The following PIEZO1 variants were observed in gnomAD, a reference collection of about 807,000 sequenced individuals.
PIEZO1 encodes piezo-type mechanosensitive ion channel component 1.
PIEZO1 carries 296 observed loss-of-function variants against 297.2 expected under a neutral mutation model. The observed-to-expected ratio is 1.00, with a 90% confidence interval of 0.91 to 1.10. The LOEUF (loss-of-function observed/expected upper bound fraction) is 1.10. Ranked by LOEUF, PIEZO1 falls within the 50% of genes least tolerant of loss-of-function variation. The probability of loss-of-function intolerance (pLI) is 0.00; values close to 1 mark genes in which losing one functional copy is unlikely to be tolerated. For synonymous variants in PIEZO1, 2,427 were observed against 1,507.5 expected, an observed-to-expected ratio of 1.61 and a Z score of -14.13; for missense variants, 5,018 against 3,455.5, an observed-to-expected ratio of 1.45 and a Z score of -11.34.
chr16:88,737,941 G>T lies in PIEZO1; in HGVS notation c.1013C>A (p.Ser338Tyr), dbSNP rs112081600. ...TGGGTGGCAGGTGCTCACCTGGCCG[G>T]AGGGGCGGTACGCGCGGAGCTTGCG... ...SLRKLRAYRP[S>Y]GQRKEAAKGY... Residue 338 changes from serine (S) to tyrosine (Y), a missense_variant, in exon 8 of 51, where the codon TCC becomes TAC. Coordinates refer to ENST00000301015, the MANE Select transcript of PIEZO1 (RefSeq NM_001142864.4). 0.032 allele frequency: 49,025 copies of T among 1,530,202 alleles called. 1,135 individuals carry two copies. Among genetic ancestry groups the T allele is most frequent in the South Asian group, 0.074 (6,172 of 83,632 alleles). 94.8% of individuals were successfully genotyped at this position (1,530,202 alleles called of 1,614,324 possible).
chr16:88,784,039 G>A (rs1185300574), intron 1 of PIEZO1, among the ~76,000 whole-genome samples: 1 of 152,208 alleles, frequency 6.6e-6, no homozygotes, highest in Non-Finnish European at 1.5e-5. Context: ...CCGGGCGGAG[G>A]GCGCGGACCC....
chr16:88,733,022 G>C, intron 19 of PIEZO1: 1 of 581,200 alleles, frequency 1.7e-6, no homozygotes, highest in Non-Finnish European at 3.1e-6. Context: ...CAGGGGTGGG[G>C]CCCTCCCGTC....
In PIEZO1 at chr16:88,722,572, C is replaced by G. The variant is rs190932489; in HGVS notation, c.4775+11G>C. 1 of 1,518,542 alleles carries G rather than the reference C, an allele frequency of 6.6e-7. No individual in the cohort carries two copies. The highest frequency in any genetic ancestry group is 8.8e-7 in the Non-Finnish European group (1 of 1,132,370). The allele number at this position is 1,518,542 out of a possible 1,614,324, so 94.1% of individuals were successfully genotyped here. Reference sequence around the variant, plus strand: ...GGCAGCAGCTGGGGCTCGGGTCACCCCCGCACCTACCTGGACACGGTGCTT... The same window carrying G: ...GGCAGCAGCTGGGGCTCGGGTCACCGCCGCACCTACCTGGACACGGTGCTT... On this transcript the variant is annotated intron_variant, in intron 35 of 50. Coordinates refer to ENST00000301015, the MANE Select transcript of PIEZO1 (RefSeq NM_001142864.4).
At position 88,721,888 on chromosome 16, in the gene PIEZO1, C is replaced by A. The variant is rs760732001; in HGVS notation, c.5134G>T (p.Val1712Leu). The change falls in exon 37 of 51, where the codon GTG becomes TTG. Residue 1712 changes from valine to leucine, a missense_variant. Physicochemically the swap from Val to Leu is conservative, Grantham distance 32. Coordinates refer to ENST00000301015, the MANE Select transcript of PIEZO1 (RefSeq NM_001142864.4). The part of the protein sequence containing the change: ...TASAGSLVLP[V>L]LVFLWAMLSI... ...AGCATGGCCCACAGGAAGACGAGCA[C>A]GGGCAGCACCAGCGAGCCGGCGGAG... 4 of 1,550,052 alleles carry A rather than the reference C, an allele frequency of 2.6e-6. No homozygotes were observed. The highest frequency in any genetic ancestry group is 2.6e-6 in the Non-Finnish European group (3 of 1,146,780).
intron 1 of PIEZO1, among the ~76,000 whole-genome samples, chr16:88,753,322 C>CA (rs1567685381): frequency 7.8e-6 from 1 of 127,984 alleles, no homozygotes; most frequent in Non-Finnish European, 1.7e-5. Flanking sequence ...CTCCCGCCCC[C>CA]GGAGCACACC....
chr16:88,785,126 T>C lies in PIEZO1; in HGVS notation c.-162A>G. ...TTCGGCCGCCCCGCCGGTGCCGACG[T>C]CCCGGGCCCGCGCTCGCTCAGGCGA... On this transcript the variant is annotated 5_prime_UTR_variant, in exon 1 of 51. Transcript: ENST00000301015. 1 of 361,496 alleles carries C rather than the reference T, an allele frequency of 2.8e-6. No individual in the cohort carries two copies. The highest frequency in any genetic ancestry group is 4.5e-6 in the Non-Finnish European group (1 of 221,872). The allele number at this position is 361,496 out of a possible 1,614,324, so 22.4% of individuals were successfully genotyped here.
intron 38 of PIEZO1, 51 bp from the exon 39 acceptor site, chr16:88,721,481 C>A: frequency 6.5e-7 from 1 of 1,538,386 alleles, no homozygotes. Context: ...TGGTGGAGAG[C>A]ACAGGTGCCC....
At position 88,733,575 on chromosome 16, in the gene PIEZO1, C is replaced by T; in HGVS notation, c.2487+13G>A. Reference sequence around the variant, plus strand: ...CACCCCAGATGGGAAGCTGAGTTGCCTGCCACACTCACCTCCTTCAGGGCC... The same window carrying T: ...CACCCCAGATGGGAAGCTGAGTTGCTTGCCACACTCACCTCCTTCAGGGCC... On this transcript the variant is annotated intron_variant, in intron 18 of 50. Transcript: ENST00000301015. 1 of 1,534,456 alleles carries T rather than the reference C, an allele frequency of 6.5e-7. No homozygotes were observed. Among genetic ancestry groups the T allele is most frequent in the South Asian group, 1.2e-5 (1 of 82,902 alleles).
intron 5 of PIEZO1, chr16:88,739,773 T>A (rs1484646005): frequency 6.6e-6 from 1 of 152,236 alleles, no homozygotes; most frequent in African/African-American, 2.4e-5. Context: ...AGCCCACCCC[T>A]CTCAGAGACC....
chr16:88,753,090 AGAGCACACCCACCG>A (rs1906474606), intron 1 of PIEZO1, among the ~76,000 whole-genome samples: 1 of 28,708 alleles, frequency 3.5e-5, no homozygotes, highest in Non-Finnish European at 7.9e-5. Context: ...CACCGCCCCC[AGAGCACACCCACCG>A]CCCCCCAGAG....
At position 88,725,595 on chromosome 16, in the gene PIEZO1, T is replaced by C. The variant is rs1345073048; in HGVS notation, c.4058A>G (p.Gln1353Arg). 2 of 1,545,978 alleles carry C rather than the reference T, an allele frequency of 1.3e-6. No homozygotes were observed. The highest frequency in any genetic ancestry group is 1.2e-5 in the South Asian group (1 of 83,960). ...GAGTCCCCGCCCCAGAGGCACCTAC[T>C]GTCTTTTCAGCTGGGCCAGGGACTT... ...EEKSLAQLKR[Q>R]MERIRAKQEK... The change falls in exon 28 of 51, where the codon CAG becomes CGG. Residue 1353 changes from glutamine (Q) to arginine (R), a missense_variant and splice_region_variant. Physicochemically the swap from Gln to Arg is conservative, Grantham distance 43. Transcript: ENST00000301015.
chr16:88,736,803 G>T, intron 10 of PIEZO1, 64 bp from the exon 11 acceptor site: 1 of 1,073,730 alleles, frequency 9.3e-7, no homozygotes, highest in African/African-American at 1.6e-5. Context: ...CCCTGACTAT[G>T]CCCTAAAATC....
At chr16:88,731,569 G>A in intron 22 of PIEZO1, 137 bp downstream of exon 22, 2 of 653,684 alleles carry the variant, frequency 3.1e-6, no homozygotes, top group Non-Finnish European at 5.3e-6. Context: ...GTAGGATGTG[G>A]AGCAGAGAGG....
intron 19 of PIEZO1, 61 bp downstream of exon 19, chr16:88,733,217 C>G (rs534608064): frequency 1.3e-5 from 19 of 1,435,546 alleles, no homozygotes; most frequent in Non-Finnish European, 9.5e-6. Context: ...CCAGGAGGGT[C>G]GGGCTGCGAA....
chr16:88,724,259 G>A (rs576401350), intron 30 of PIEZO1, among the ~76,000 whole-genome samples: 13 of 152,356 alleles, frequency 8.5e-5, no homozygotes, highest in African/African-American at 2.2e-4. Flanking sequence ...GGCCGGGCAC[G>A]GTGGCTGACG....
rs576828125 is a variant in PIEZO1 at position 88,737,314 on chromosome 16, A to C, written c.1195+245T>G. ...GGAGGCCCCCCATGGGGTCTTGGGG[A>C]TCAACGACGCGGCCACTCAGCTGCC... is the stretch of plus-strand genomic sequence containing the variant. On this transcript the variant is annotated intron_variant, in intron 10 of 50. Transcript: ENST00000301015. The C allele has an allele frequency of 1.9e-5, 9 of 473,874 alleles. No homozygotes were observed. The East Asian group carries it at 3.8e-4, about 20-fold the overall frequency. The allele number at this position is 473,874 out of a possible 1,614,324, so 29.4% of individuals were successfully genotyped here.
At chr16:88,760,628 C>G (rs573684877) in intron 1 of PIEZO1, among the ~76,000 whole-genome samples, 2 of 151,972 alleles carry the variant, frequency 1.3e-5, no homozygotes, top group Non-Finnish European at 2.9e-5. Flanking sequence ...GGCAGGGGCC[C>G]GAGGGGAGCC....
intron 12 of PIEZO1, among the ~76,000 whole-genome samples, chr16:88,735,471 T>G (rs1905147679): frequency 6.6e-6 from 1 of 152,270 alleles, no homozygotes; most frequent in African/African-American, 2.4e-5. Flanking sequence ...ATGGGTTCAC[T>G]TGCGCTCACA....
chr16:88,731,880 C>G lies in PIEZO1; in HGVS notation c.3022G>C (p.Gly1008Arg), dbSNP rs368019686. The G allele has an allele frequency of 2.0e-4, 191 of 933,298 alleles. No homozygotes were observed. Among genetic ancestry groups the G allele is most frequent in the Non-Finnish European group, 2.4e-4 (184 of 774,128 alleles). 57.8% of individuals were successfully genotyped at this position (933,298 alleles called of 1,614,324 possible). ...ICFLMAVNVI[G>R]QRMNFLVTLH... The stretch of plus-strand genomic sequence containing the variant: ...GTCACCAGAAAGTTCATGCGCTGCC[C>G]GATCACGTTCACGGCCATCAGGAAG... The change falls in exon 22 of 51, where the codon GGG becomes CGG. Residue 1008 changes from glycine (G) to arginine (R), a missense_variant. Physicochemically the swap from Gly to Arg is moderately radical, Grantham distance 125. Coordinates refer to ENST00000301015, the MANE Select transcript of PIEZO1 (RefSeq NM_001142864.4).
Sources: gnomAD v4.1 joint callset for allele counts (sites outside exome capture counted in the v4.1 genomes callset) on GRCh38, gnomAD v4.1.1 for gene constraint, MANE v1.5 for transcripts, NCBI Gene and HGNC (gene_info 2026-07-23, HGNC 2026-07-21) for gene names.